HTR2B: variants seen among roughly 807,000 people sequenced by gnomAD.
HTR2B encodes the protein 5-hydroxytryptamine receptor 2B, also known as 5-HT 2B receptor.
Under a neutral mutation model 39.8 loss-of-function variants are expected in HTR2B, and 31 were observed. That is an observed-to-expected ratio of 0.78 (90% CI 0.58 to 1.05). HTR2B has a LOEUF of 1.05. Ranked by LOEUF, HTR2B falls within the 50% of genes least tolerant of loss-of-function variation. HTR2B has a pLI of 0.00. For missense variants in HTR2B, 562 were observed against 578.0 expected (o/e 0.97, Z 0.28); for synonymous variants, 210 against 207.1 (o/e 1.01, Z -0.12).
chr2:231,117,610 G>A (rs1354140410), intron 2 of HTR2B, among the ~76,000 whole-genome samples: 2 of 152,056 alleles, frequency 1.3e-5, no homozygotes, highest in Non-Finnish European at 2.9e-5. Flanking sequence ...TGTTTAAAAT[G>A]AAGACTGCTT....
chr2:231,113,369 A>G (rs1009403882), intron 3 of HTR2B, among the ~76,000 whole-genome samples: 1 of 152,176 alleles, frequency 6.6e-6, no homozygotes, highest in Non-Finnish European at 1.5e-5. Flanking sequence ...TGTTATTTTA[A>G]TGTAATTACA....
At position 231,109,330 on chromosome 2, in the gene HTR2B, C is replaced by T. The variant is rs1250756168; in HGVS notation, c.633G>A (p.Lys211=). 1.2e-6 allele frequency: 2 copies of T among 1,613,896 alleles called. No individual in the cohort carries two copies. Among genetic ancestry groups the T allele is most frequent in the Admixed American group, 1.7e-5 (1 of 59,998 alleles). ...AGAGCATGAAATCGCCAAAACGTTC[C>T]TTTGTCAGCACACAAGTGATATTGT... ...NPNNITCVLT[K]ERFGDFMLFG... The change falls in exon 4 of 4, where the codon AAG becomes AAA. Residue 211 remains lysine (K), a synonymous_variant. Coordinates refer to ENST00000258400, the MANE Select transcript of HTR2B (RefSeq NM_000867.5).
chr2:231,120,059 C>T (rs1695483475), intron 2 of HTR2B, among the ~76,000 whole-genome samples: 1 of 151,074 alleles, frequency 6.6e-6, no homozygotes, highest in Non-Finnish European at 1.5e-5. Context: ...TCAAGCTATT[C>T]TCCTGCCTCA....
intron 2 of HTR2B, among the ~76,000 whole-genome samples, chr2:231,116,035 A>G (rs1695319626): frequency 6.6e-6 from 1 of 152,100 alleles, no homozygotes; most frequent in Non-Finnish European, 1.5e-5. Context: ...GGAATGTCTC[A>G]TGGAAAGGAA....
intron 2 of HTR2B, among the ~76,000 whole-genome samples, chr2:231,121,728 A>G (rs1695549688): frequency 6.6e-6 from 1 of 152,188 alleles, no homozygotes; most frequent in African/African-American, 2.4e-5. Flanking sequence ...AGTATCTACC[A>G]TGGTACTTTG....
At chr2:231,113,321 T>C (rs1695221371) in intron 3 of HTR2B, among the ~76,000 whole-genome samples, 1 of 152,212 alleles carries the variant, frequency 6.6e-6, no homozygotes, top group Admixed American at 6.5e-5. Context: ...GTTTTTTCTC[T>C]TATTAATCTT....
At chr2:231,114,995 C>T (rs1415842815) in intron 2 of HTR2B, among the ~76,000 whole-genome samples, 2 of 152,000 alleles carry the variant, frequency 1.3e-5, no homozygotes, top group East Asian at 3.9e-4. Flanking sequence ...GTTATATGTC[C>T]ACTGATAAAA....
At chr2:231,110,636 A>G (rs940383831) in intron 3 of HTR2B, among the ~76,000 whole-genome samples, 3 of 152,230 alleles carry the variant, frequency 2.0e-5, no homozygotes, top group Non-Finnish European at 1.5e-5. Context: ...ACCCTTTCTA[A>G]CAGAGGTCAT....
chr2:231,108,649 G>A lies in HTR2B; in HGVS notation c.1314C>T (p.Asn438=), dbSNP rs61731723. ...TCATTGGACTCTGGTACATGGCAGG[G>A]TTAATCCCATTTCGAATTCCATGTT... ...FKKHGIRNGI[N]PAMYQSPMRL... is the part of the protein sequence containing the mutation. The change falls in exon 4 of 4, where the codon AAC becomes AAT. Residue 438 remains asparagine (N), a synonymous_variant. Transcript: ENST00000258400. The A allele has an allele frequency of 5.7e-3, 9,203 of 1,614,022 alleles. 465 individuals carry two copies. In the African/African-American group the frequency reaches 0.11, roughly 19 times the overall value.
intron 3 of HTR2B, among the ~76,000 whole-genome samples, chr2:231,110,649 C>T (rs901800737): frequency 6.6e-6 from 1 of 152,188 alleles, no homozygotes; most frequent in African/African-American, 2.4e-5. Context: ...GAGGTCATTA[C>T]TTTCTCTACT....
intron 2 of HTR2B, among the ~76,000 whole-genome samples, chr2:231,118,188 G>A (rs1463556211): frequency 3.3e-5 from 5 of 152,026 alleles, no homozygotes; most frequent in Admixed American, 1.3e-4. Context: ...AAATACATGT[G>A]AAGTGTTTAG....
At chr2:231,122,525 C>T (rs532659182) in intron 2 of HTR2B, among the ~76,000 whole-genome samples, 2 of 152,200 alleles carry the variant, frequency 1.3e-5, no homozygotes, top group East Asian at 3.9e-4. Flanking sequence ...TCAGTTTATA[C>T]CAAGCATTGA....
intron 3 of HTR2B, among the ~76,000 whole-genome samples, chr2:231,112,503 T>G (rs1043501791): frequency 5.3e-5 from 8 of 152,230 alleles, no homozygotes; most frequent in Admixed American, 2.0e-4. Context: ...ATTTCAGGAA[T>G]ATGAAGGTCA....
rs1307511444 is a variant in HTR2B, at chr2:231,108,582, G to A, written c.1381C>T (p.Leu461=). ...STIQSSSIIL[L]DTLLLTENEG... ...TTTTCAGTGAGGAGAAGCGTATCTA[G>A]TAGAATGATTGATGAAGACTGAATG... is the stretch of plus-strand genomic sequence containing the variant. Residue 461 remains leucine (L), a synonymous_variant, in exon 4 of 4, where the codon CTA becomes TTA. Transcript: ENST00000258400. 1 of 1,613,842 alleles carries A rather than the reference G, an allele frequency of 6.2e-7. No individual in the cohort carries two copies. Among genetic ancestry groups the A allele is most frequent in the Non-Finnish European group, 8.5e-7 (1 of 1,179,918 alleles).
intron 2 of HTR2B, among the ~76,000 whole-genome samples, chr2:231,116,567 A>G (rs540077927): frequency 1.3e-5 from 2 of 152,028 alleles, no homozygotes; most frequent in Non-Finnish European, 2.9e-5. Context: ...AGCCATAAGA[A>G]AATTCATATA....
At chr2:231,115,987 A>C (rs1695317854) in intron 2 of HTR2B, among the ~76,000 whole-genome samples, 1 of 152,064 alleles carries the variant, frequency 6.6e-6, no homozygotes, top group South Asian at 2.1e-4. Flanking sequence ...TAAAAGATGC[A>C]CCTAAGTTTC....
intron 3 of HTR2B, among the ~76,000 whole-genome samples, chr2:231,112,073 A>G (rs1055894157): frequency 4.6e-5 from 7 of 152,094 alleles, no homozygotes; most frequent in Non-Finnish European, 1.0e-4. Context: ...CACAGTTTCA[A>G]ATATTTTAAT....
chr2:231,110,428 T>A (rs1695118972), intron 3 of HTR2B, among the ~76,000 whole-genome samples: 1 of 152,244 alleles, frequency 6.6e-6, no homozygotes, highest in Non-Finnish European at 1.5e-5. Flanking sequence ...TGAAGTAGCT[T>A]ATTAGAAAGA....
intron 2 of HTR2B, among the ~76,000 whole-genome samples, chr2:231,116,434 A>G (rs145717743): frequency 2.0e-5 from 3 of 152,140 alleles, no homozygotes; most frequent in African/African-American, 7.2e-5. Flanking sequence ...TCTCTGTAAC[A>G]TCTTTTAAAA....
Sources: allele counts gnomAD v4.1 joint callset (sites outside exome capture counted in the v4.1 genomes callset), GRCh38; gene constraint gnomAD v4.1.1; transcripts MANE v1.5; gene names NCBI Gene and HGNC (gene_info 2026-07-23, HGNC 2026-07-21).